Variants in SFMBT2 observed in about 807,000 individuals in gnomAD.
SFMBT2 encodes scm-like with four MBT domains protein 2.
SFMBT2 carries 38 observed loss-of-function variants against 110.1 expected under a neutral mutation model. The ratio of observed to expected loss-of-function variants is 0.35; its 90% confidence interval spans 0.27 to 0.45. The LOEUF (loss-of-function observed/expected upper bound fraction) is 0.45. Ranked by LOEUF, SFMBT2 falls within the 20% of genes least tolerant of loss-of-function variation. The pLI, the probability that SFMBT2 is intolerant of heterozygous loss-of-function variation, is 1.00. For synonymous variants in SFMBT2, 425 were observed against 425.4 expected (o/e 1.00, Z 0.01); for missense variants, 1,011 against 1,094.9 (o/e 0.92, Z 1.08).
intron 4 of SFMBT2, among the ~76,000 whole-genome samples, chr10:7,305,033 C>G (rs547381418): frequency 6.6e-6 from 1 of 152,302 alleles, no homozygotes; most frequent in Admixed American, 6.5e-5. Context: ...CTCAGAGTCC[C>G]TCTCCTTCTA....
chr10:7,170,824 G>T lies in SFMBT2; in HGVS notation c.2544+104C>A. 7.1e-7 allele frequency: 1 copy of T among 1,408,916 alleles called. No individual in the cohort carries two copies. The highest frequency in any genetic ancestry group is 9.8e-7 in the Non-Finnish European group (1 of 1,016,870). 87.3% of individuals were successfully genotyped at this position (1,408,916 alleles called of 1,614,324 possible). A position where few individuals can be genotyped will look rare whatever the true frequency, so the allele number is the denominator to read the frequency against. On this transcript the variant is annotated intron_variant, in intron 20 of 20. Transcript: ENST00000397167. The surrounding 1 kb of genome is among the most constrained non-coding windows in gnomAD (Gnocchi z 4.6). ...CGCACACCTGCCGAGCAGCGCCGAAGAACCCCCTCGCAGGTGTCACGAGGA... is the reference window on the plus strand; with the variant it reads ...CGCACACCTGCCGAGCAGCGCCGAATAACCCCCTCGCAGGTGTCACGAGGA...
Position 7,172,210 on chromosome 10 carries a change from C to T in SFMBT2, c.2152-52G>A, listed in dbSNP as rs369703644. 1.9e-4 allele frequency: 289 copies of T among 1,509,944 alleles called. 1 individual carries two copies. In the African/African-American group the frequency reaches 3.6e-3, roughly 19 times the overall value. The allele number at this position is 1,509,944 out of a possible 1,614,324, so 93.5% of individuals were successfully genotyped here. On this transcript the variant is annotated intron_variant, in intron 18 of 20. Transcript: ENST00000397167. The surrounding 1 kb of genome is among the most constrained non-coding windows in gnomAD (Gnocchi z 4.6). The stretch of plus-strand genomic sequence containing the variant: ...GGGCTGGTGGCCCGGGGGCCTGTAG[C>T]GGTGGCCCCGCGGTCAGACCCTGGG...
intron 4 of SFMBT2, among the ~76,000 whole-genome samples, chr10:7,332,037 AGG>A (rs1277899983): frequency 9.6e-5 from 9 of 93,874 alleles, no homozygotes; most frequent in African/African-American, 2.3e-4. Context: ...AAAAAAAAAA[AGG>A]AAAGGTGAAT....
intron 9 of SFMBT2, among the ~76,000 whole-genome samples, chr10:7,228,707 C>CTT (rs1455035583): frequency 1.5e-5 from 2 of 134,174 alleles, no homozygotes; most frequent in African/African-American, 2.9e-5. Context: ...TTCTTTCTTT[C>CTT]TTTCTTTCTT....
At chr10:7,212,687 G>T (rs929606150) in intron 11 of SFMBT2, among the ~76,000 whole-genome samples, 6 of 152,150 alleles carry the variant, frequency 3.9e-5, no homozygotes, top group African/African-American at 1.4e-4. Flanking sequence ...GTTTTATACA[G>T]CTGTACAAAT....
rs769843258 is a variant in SFMBT2, at chr10:7,161,366, G to C, written c.*2404C>G. ...CTCACCCTCGTCTCAAATACAACAG[G>C]AACAGCTGAGCTTGAAAAGGCCACA... On this transcript the variant is annotated 3_prime_UTR_variant, in exon 21 of 21. Coordinates refer to ENST00000397167, the MANE Select transcript of SFMBT2 (RefSeq NM_001387889.1). 1 of 152,232 alleles carries C rather than the reference G, an allele frequency of 6.6e-6. No homozygotes were observed. The highest frequency in any genetic ancestry group is 1.5e-5 in the Non-Finnish European group (1 of 68,064). The allele number at this position is 152,232 out of a possible 1,614,324, so 9.4% of individuals were successfully genotyped here. A position where few individuals can be genotyped will look rare whatever the true frequency, so the allele number is the denominator to read the frequency against.
At chr10:7,233,073 C>T (rs1445646538) in intron 9 of SFMBT2, among the ~76,000 whole-genome samples, 2 of 152,124 alleles carry the variant, frequency 1.3e-5, no homozygotes, top group African/African-American at 4.8e-5. Flanking sequence ...AATAAAAACT[C>T]CTCTTCTATC....
chr10:7,321,649 A>G (rs1843192923), intron 4 of SFMBT2, among the ~76,000 whole-genome samples: 1 of 152,118 alleles, frequency 6.6e-6, no homozygotes, highest in South Asian at 2.1e-4. Context: ...CTTTAACACG[A>G]GAGTTTGTAT....
chr10:7,395,701 C>CT (rs34293825), intron 1 of SFMBT2, among the ~76,000 whole-genome samples: 19,200 of 135,490 alleles, frequency 0.14, 1,544 homozygotes, highest in African/African-American at 0.23. Flanking sequence ...TCTAAAAGCT[C>CT]TTTTTTTTTT....
chr10:7,342,396 C>CTTTTTTTTT (rs71382101), intron 4 of SFMBT2, among the ~76,000 whole-genome samples: 755 of 69,660 alleles, frequency 0.011, 144 homozygotes, highest in Non-Finnish European at 0.016. Context: ...TGGAGTGAGT[C>CTTTTTTTTT]TTTTTTTTTT....
chr10:7,349,886 GA>G (rs371190576), intron 4 of SFMBT2, among the ~76,000 whole-genome samples: 129 of 152,278 alleles, frequency 8.5e-4, no homozygotes, highest in African/African-American at 3.0e-3. Context: ...TTGATGGACT[GA>G]AGATGCCGAT....
intron 1 of SFMBT2, among the ~76,000 whole-genome samples, chr10:7,409,508 T>C (rs566151470): frequency 1.2e-4 from 19 of 152,072 alleles, no homozygotes; most frequent in African/African-American, 4.3e-4. Context: ...CCAAAAAAAC[T>C]GCGCACACGC....
chr10:7,234,176 A>C (rs1840189420), intron 9 of SFMBT2, among the ~76,000 whole-genome samples: 1 of 152,132 alleles, frequency 6.6e-6, no homozygotes, highest in African/African-American at 2.4e-5. Context: ...CAATTGAATT[A>C]CTCTGTGTTT....
In SFMBT2 at chr10:7,202,858, ATCCGGAATGATTTTTT is replaced by A. The variant is rs531776932; in HGVS notation, c.1445-352_1445-337del. The A allele has an allele frequency of 2.7e-5, 27 of 985,254 alleles. No homozygotes were observed. The East Asian group carries it at 1.7e-3, about 62-fold the overall frequency. 61.0% of individuals were successfully genotyped at this position (985,254 alleles called of 1,614,324 possible). A position where few individuals can be genotyped will look rare whatever the true frequency, so the allele number is the denominator to read the frequency against. ...TTCAGATCAATTGTTGCAAGCAGTTATCCGGAATGATTTTTTTCCAATAAAAATTGTGATGAAGCAA... is the reference window on the plus strand; with the variant it reads ...TTCAGATCAATTGTTGCAAGCAGTTATCCAATAAAAATTGTGATGAAGCAA... On this transcript the variant is annotated intron_variant, in intron 12 of 20. Coordinates refer to ENST00000397167, the MANE Select transcript of SFMBT2 (RefSeq NM_001387889.1).
chr10:7,332,880 T>C (rs975741120), intron 4 of SFMBT2, among the ~76,000 whole-genome samples: 2 of 152,204 alleles, frequency 1.3e-5, no homozygotes, highest in African/African-American at 2.4e-5. Flanking sequence ...TCTTTTTTTG[T>C]TTTTGAGACG....
At chr10:7,167,735 A>C (rs540238440) in intron 20 of SFMBT2, among the ~76,000 whole-genome samples, 1 of 152,352 alleles carries the variant, frequency 6.6e-6, no homozygotes, top group Non-Finnish European at 1.5e-5. Flanking sequence ...CCAGTGGGCA[A>C]TGGCTTTTTA....
chr10:7,176,211 G>T, intron 16 of SFMBT2, 46 bp from the exon 17 acceptor site: 1 of 1,586,840 alleles, frequency 6.3e-7, no homozygotes, highest in Non-Finnish European at 8.7e-7. Flanking sequence ...ACCAGATTAT[G>T]ATTCAGGCCT....
Position 7,228,776 on chromosome 10 carries a change from CTCT to C in SFMBT2, c.1121-842_1121-840del, listed in dbSNP as rs1564395591. 1.4e-3 allele frequency among the ~76,000 whole-genome samples: 184 copies of C among 133,840 alleles called. 4 individuals are homozygous for C. The highest frequency in any genetic ancestry group is 8.1e-3 in the Middle Eastern group (2 of 246). 87.8% of individuals were successfully genotyped at this position (133,840 alleles called of 152,430 possible). A position where few individuals can be genotyped will look rare whatever the true frequency, so the allele number is the denominator to read the frequency against. The stretch of plus-strand genomic sequence containing the variant: ...TCTCTCTCTCTCTCTCTCTCTCTCT[CTCT>C]CTCCCCCTCCCTCTCTCTCTCTCTT... On this transcript the variant is annotated intron_variant, in intron 9 of 20. Coordinates refer to ENST00000397167, the MANE Select transcript of SFMBT2 (RefSeq NM_001387889.1).
At chr10:7,253,440 A>G (rs1386801959) in intron 7 of SFMBT2, among the ~76,000 whole-genome samples, 1 of 152,308 alleles carries the variant, frequency 6.6e-6, no homozygotes, top group South Asian at 2.1e-4. Context: ...ACTGCAGGAT[A>G]TTCACTTGCT....
Sources: gnomAD v4.1 joint callset for allele counts (sites outside exome capture counted in the v4.1 genomes callset) on GRCh38, gnomAD v4.1.1 for gene constraint, Gnocchi (gnomAD v3.1) non-coding constraint, MANE v1.5 for transcripts, NCBI Gene and HGNC (gene_info 2026-07-23, HGNC 2026-07-21) for gene names.